JADE2: variants seen among roughly 807,000 people sequenced by gnomAD.
JADE2 encodes the protein jade family PHD finger 2, also known as E3 ubiquitin-protein ligase Jade-2.
In JADE2, 13 loss-of-function variants were observed where a neutral mutation model predicts 85.7. The ratio of observed to expected loss-of-function variants is 0.15; its 90% CI spans 0.10 to 0.24. The LOEUF is 0.24. Among genes scored for constraint, JADE2 ranks in the 10% least tolerant of loss-of-function variants. The pLI is 1.00. For synonymous variants in JADE2, 440 were observed against 456.1 expected (o/e 0.96, Z 0.45); for missense variants, 846 against 1,115.9 (o/e 0.76, Z 3.45).
rs901497319 is a variant in JADE2 at position 134,562,598 on chromosome 5, C to A, written c.852+231C>A. Among the ~76,000 whole-genome samples the A allele has an allele frequency of 1.3e-5, 2 of 151,974 alleles. No homozygotes were observed. Among genetic ancestry groups the A allele is most frequent in the African/African-American group, 4.8e-5 (2 of 41,384 alleles). On this transcript the variant is annotated intron_variant, in intron 7 of 11. Coordinates refer to ENST00000681547, the MANE Select transcript of JADE2 (RefSeq NM_001388185.1). The surrounding 1 kb of genome is among the most constrained non-coding windows in gnomAD (Gnocchi z 4.6). ...GACCAGCCTGGCCAACATAGCAAAACCCCCTCTCTACAAAAATTAGGAGTG... is the reference window on the plus strand; with the variant it reads ...GACCAGCCTGGCCAACATAGCAAAAACCCCTCTCTACAAAAATTAGGAGTG...
Position 134,542,703 on chromosome 5 carries a change from G to C in JADE2, c.153+4620G>C, listed in dbSNP as rs531280372. 4.0e-5 allele frequency among the ~76,000 whole-genome samples: 6 copies of C among 151,744 alleles called. No individual in the cohort carries two copies. In the East Asian group the frequency reaches 1.2e-3, roughly 29 times the overall value. On this transcript the variant is annotated intron_variant, in intron 3 of 11. Transcript: ENST00000681547. ...GTGATCCGCCTGCCTCGGCCCCCCA[G>C]AGTGCTGGGATTACAAGCGTGAGCC...
At chr5:134,538,721 G>A (rs1244900624) in intron 3 of JADE2, among the ~76,000 whole-genome samples, 1 of 152,066 alleles carries the variant, frequency 6.6e-6, no homozygotes, top group East Asian at 1.9e-4. Flanking sequence ...CCACCCTAGG[G>A]CCTTATTGCT....
chr5:134,572,380 C>T (rs1351691932), intron 9 of JADE2, among the ~76,000 whole-genome samples: 3 of 152,218 alleles, frequency 2.0e-5, no homozygotes, highest in Non-Finnish European at 4.4e-5. Flanking sequence ...GTACATCCTT[C>T]ACGGCTGGGC....
chr5:134,567,356 C>A (rs568309050), intron 9 of JADE2, among the ~76,000 whole-genome samples: 1 of 152,278 alleles, frequency 6.6e-6, no homozygotes, highest in South Asian at 2.1e-4. Context: ...CTGAAAACCA[C>A]CCCCAGCTGT....
At chr5:134,565,026 CCTATTCCCAAAGT>C (rs1221081264) in intron 8 of JADE2, among the ~76,000 whole-genome samples, 4 of 152,178 alleles carry the variant, frequency 2.6e-5, no homozygotes, top group Admixed American at 2.6e-4. Flanking sequence ...TTTAGCAAAG[CCTATTCCCAAAGT>C]CTAGCATGCG....
Position 134,526,442 on chromosome 5 carries a change from T to A in JADE2, c.-1+431T>A, listed in dbSNP as rs1024999542. 37 of 982,716 alleles carry A rather than the reference T, an allele frequency of 3.8e-5. No individual in the cohort carries two copies. In the African/African-American group the frequency reaches 5.5e-4, roughly 15 times the overall value. 60.9% of individuals were successfully genotyped at this position (982,716 alleles called of 1,614,324 possible). On this transcript the variant is annotated intron_variant, in intron 1 of 11. Transcript: ENST00000681547. ...GCGGGAGATGGGTACGGTGGGGAGGTCGAGCGGCCCGGGCGGGGGCTCCGA... is the reference window on the plus strand; with the variant it reads ...GCGGGAGATGGGTACGGTGGGGAGGACGAGCGGCCCGGGCGGGGGCTCCGA...
intron 1 of JADE2, chr5:134,533,525 GAAGT>G: frequency 4.1e-6 from 4 of 985,298 alleles, no homozygotes; most frequent in Non-Finnish European, 4.8e-6. Context: ...TGCTGGCTCG[GAAGT>G]ACCTTCTTTG....
intron 1 of JADE2, chr5:134,526,752 T>A (rs1381669424): frequency 2.0e-6 from 2 of 985,334 alleles, no homozygotes; most frequent in East Asian, 2.3e-4. Flanking sequence ...GGGGACACCC[T>A]TTCCAGGTGA....
intron 3 of JADE2, among the ~76,000 whole-genome samples, chr5:134,551,339 C>T (rs1477417536): frequency 6.6e-6 from 1 of 152,112 alleles, no homozygotes; most frequent in Non-Finnish European, 1.5e-5. Flanking sequence ...AGCAATCCTT[C>T]CACCTCAACC....
chr5:134,565,296 G>T (rs1275593928), intron 8 of JADE2, among the ~76,000 whole-genome samples: 1 of 152,200 alleles, frequency 6.6e-6, no homozygotes, highest in Non-Finnish European at 1.5e-5. Context: ...ACCTTCAAAA[G>T]GATTTGTGAG....
At chr5:134,572,375 T>A (rs1034504496) in intron 9 of JADE2, among the ~76,000 whole-genome samples, 2 of 152,208 alleles carry the variant, frequency 1.3e-5, no homozygotes, top group Non-Finnish European at 2.9e-5. Flanking sequence ...TTGTGGTACA[T>A]CCTTCACGGC....
chr5:134,526,882 G>C, intron 1 of JADE2: 1 of 604,168 alleles, frequency 1.7e-6, no homozygotes, highest in Non-Finnish European at 2.1e-6. Context: ...GAAATGTACC[G>C]GCGGCGGCCG....
chr5:134,569,326 C>T (rs1362237973), intron 9 of JADE2, among the ~76,000 whole-genome samples: 1 of 152,204 alleles, frequency 6.6e-6, no homozygotes, highest in African/African-American at 2.4e-5. Context: ...TGATTCGTTC[C>T]TCCTCAGCCA....
At chr5:134,551,062 T>TGTTTGCATAAG (rs749819704) in intron 3 of JADE2, among the ~76,000 whole-genome samples, 1 of 152,136 alleles carries the variant, frequency 6.6e-6, no homozygotes, top group Non-Finnish European at 1.5e-5. Flanking sequence ...GTCCCCCAGC[T>TGTTTGCATAAG]GTTTGCATAA....
rs762026305 is a variant in JADE2 at position 134,578,897 on chromosome 5, ATCT to A, written c.2089_2091del (p.Ser697del). The A allele has an allele frequency of 8.7e-6, 14 of 1,613,668 alleles. No homozygotes were observed. Among genetic ancestry groups the A allele is most frequent in the African/African-American group, 2.7e-5 (2 of 74,880 alleles). ...CTACCAGGAAGCCACCACGTCGGAC[ATCT>A]TCTCACTTGCCGTCCAGCCCTGCAG... On this transcript the variant is annotated inframe_deletion, in exon 12 of 12. Transcript: ENST00000681547. This position sits in a 1 kb window ranked among gnomAD's most constrained non-coding sequence, Gnocchi z 4.4.
intron 1 of JADE2, among the ~76,000 whole-genome samples, chr5:134,529,967 A>G (rs561982010): frequency 6.6e-6 from 1 of 152,372 alleles, no homozygotes; most frequent in African/African-American, 2.4e-5. Context: ...GAAGTTGCAG[A>G]CAGGCAATGG....
At chr5:134,551,704 T>C (rs1762602563) in intron 3 of JADE2, among the ~76,000 whole-genome samples, 1 of 152,144 alleles carries the variant, frequency 6.6e-6, no homozygotes, top group African/African-American at 2.4e-5. Context: ...CATTAGCCTC[T>C]CTGTCCTCTG....
At chr5:134,572,500 C>T (rs1401329782) in intron 9 of JADE2, among the ~76,000 whole-genome samples, 1 of 152,200 alleles carries the variant, frequency 6.6e-6, no homozygotes, top group African/African-American at 2.4e-5. Flanking sequence ...AACCAGAGGT[C>T]ACCCCAGCTT....
intron 3 of JADE2, among the ~76,000 whole-genome samples, chr5:134,542,633 G>A (rs963184531): frequency 2.6e-5 from 4 of 151,862 alleles, no homozygotes; most frequent in African/African-American, 9.7e-5. Flanking sequence ...GTAGAGACAG[G>A]GTTTCTCCAC....
Sources: allele counts gnomAD v4.1 joint callset (sites outside exome capture counted in the v4.1 genomes callset), GRCh38; gene constraint gnomAD v4.1.1; non-coding constraint Gnocchi (gnomAD v3.1); transcripts MANE v1.5; gene names NCBI Gene and HGNC (gene_info 2026-07-23, HGNC 2026-07-21).